Variants in G2E3 observed in about 807,000 individuals in gnomAD.
The protein encoded by G2E3 is G2/M phase-specific E3 ubiquitin-protein ligase.
G2E3 carries 35 observed loss-of-function variants against 92.8 expected under a neutral mutation model. The ratio of observed to expected loss-of-function variants is 0.38; its 90% confidence interval spans 0.29 to 0.50. The LOEUF is 0.50. Among genes scored for constraint, G2E3 ranks in the 20% least tolerant of loss-of-function variants. The probability of loss-of-function intolerance (pLI) is 0.94; values close to 1 mark genes in which losing one functional copy is unlikely to be tolerated. For synonymous variants in G2E3, 242 were observed against 272.4 expected (o/e 0.89, Z 1.10); for missense variants, 554 against 823.8 (o/e 0.67, Z 4.01).
chr14:30,598,075 A>G (rs1237821632), intron 7 of G2E3: 1 of 168,308 alleles, frequency 5.9e-6, no homozygotes, highest in Non-Finnish European at 1.3e-5. Flanking sequence ...TTATTCTCCT[A>G]AGTATATAAA....
intron 11 of G2E3, among the ~76,000 whole-genome samples, chr14:30,606,113 A>G (rs1484166943): frequency 1.3e-5 from 2 of 152,106 alleles, no homozygotes; most frequent in African/African-American, 4.8e-5. Context: ...AGAGTGGCCA[A>G]ATGGGGATGA....
chr14:30,619,597 T>C lies in G2E3; in HGVS notation c.*3063T>C, dbSNP rs1001558488. 7 of 152,148 alleles carry C rather than the reference T, an allele frequency of 4.6e-5. No individual in the cohort carries two copies. Among genetic ancestry groups the C allele is most frequent in the African/African-American group, 1.4e-4 (6 of 41,452 alleles). 9.4% of individuals were successfully genotyped at this position (152,148 alleles called of 1,614,324 possible). A position where few individuals can be genotyped will look rare whatever the true frequency, so the allele number is the denominator to read the frequency against. ...TGATGAATTACTTGAATGTATATTA[T>C]CTGTGGTTTAGGAAAATTTGGATTG... On this transcript the variant is annotated 3_prime_UTR_variant, in exon 15 of 15. Coordinates refer to ENST00000206595, the MANE Select transcript of G2E3 (RefSeq NM_017769.5).
chr14:30,602,709 A>G (rs920872885), intron 10 of G2E3: 1 of 152,148 alleles, frequency 6.6e-6, no homozygotes, highest in Non-Finnish European at 1.5e-5. Context: ...CCTCCTGGGC[A>G]CAAGTGATCC....
intron 13 of G2E3, among the ~76,000 whole-genome samples, chr14:30,613,734 A>G (rs1448934392): frequency 6.6e-6 from 1 of 151,820 alleles, no homozygotes; most frequent in Non-Finnish European, 1.5e-5. Context: ...TTTTAAAGAT[A>G]CATTATGAGT....
chr14:30,603,519 G>A (rs556177376), intron 10 of G2E3, among the ~76,000 whole-genome samples: 3 of 152,158 alleles, frequency 2.0e-5, no homozygotes, highest in African/African-American at 4.8e-5. Flanking sequence ...AAAATTAGTC[G>A]CTAAGCATGA....
chr14:30,602,062 G>A lies in G2E3; in HGVS notation c.941G>A (p.Cys314Tyr). The change falls in exon 10 of 15, where the codon TGT becomes TAT. Residue 314 changes from cysteine (C) to tyrosine (Y), a missense_variant. Cys to Tyr is a radical substitution (Grantham distance 194). Coordinates refer to ENST00000206595, the MANE Select transcript of G2E3 (RefSeq NM_017769.5). ...TCTAATAATGTGGGGATTACAGATT[G>A]TTTGTTGGAAGAGTCATCACCTAAA... ...PNSNNVGITD[C>Y]LLEESSPKLP... The A allele has an allele frequency of 1.2e-6, 2 of 1,611,352 alleles. No individual in the cohort carries two copies. The highest frequency in any genetic ancestry group is 2.2e-5 in the South Asian group (2 of 91,006).
At chr14:30,585,585 C>A (rs1396093745) in intron 2 of G2E3, among the ~76,000 whole-genome samples, 1 of 144,546 alleles carries the variant, frequency 6.9e-6, no homozygotes, top group Admixed American at 6.9e-5. Context: ...TCTTCTCCCC[C>A]TTTTTTTTTT....
At chr14:30,593,360 G>C in intron 5 of G2E3, 114 bp from the exon 6 acceptor site, 1 of 588,502 alleles carries the variant, frequency 1.7e-6, no homozygotes, top group Admixed American at 3.5e-5. Flanking sequence ...GTCTGTTGTA[G>C]GTGAATTATG....
chr14:30,563,738 T>TGTGTGA (rs566217168), intron 1 of G2E3, among the ~76,000 whole-genome samples: 85 of 141,620 alleles, frequency 6.0e-4, no homozygotes, highest in African/African-American at 2.0e-3. Flanking sequence ...TGTGTGTGTG[T>TGTGTGA]GATATAGAGT....
intron 1 of G2E3, chr14:30,560,023 A>T (rs1878999074): frequency 6.6e-6 from 1 of 151,836 alleles, no homozygotes; most frequent in Non-Finnish European, 1.5e-5. Context: ...TCCCTCATTC[A>T]TTGGCCAACT....
intron 1 of G2E3, among the ~76,000 whole-genome samples, chr14:30,566,318 C>A (rs1028536903): frequency 6.6e-6 from 1 of 152,172 alleles, no homozygotes; most frequent in African/African-American, 2.4e-5. Flanking sequence ...TGTATCAAAT[C>A]CATAAATTGC....
chr14:30,597,284 C>A, intron 6 of G2E3, 136 bp from the exon 7 acceptor site: 2 of 601,262 alleles, frequency 3.3e-6, no homozygotes, highest in Non-Finnish European at 6.0e-6. Flanking sequence ...TTTATAAGGA[C>A]AAAGTTTGAG....
At chr14:30,580,271 A>G (rs958937976) in intron 1 of G2E3, among the ~76,000 whole-genome samples, 1 of 152,054 alleles carries the variant, frequency 6.6e-6, no homozygotes, top group Non-Finnish European at 1.5e-5. Flanking sequence ...CAATGGTGTG[A>G]TCTTGGCTCA....
Position 30,562,357 on chromosome 14 carries a change from T to C in G2E3, c.-5+3085T>C, listed in dbSNP as rs180891655. Among the ~76,000 whole-genome samples the C allele has an allele frequency of 5.3e-5, 8 of 152,234 alleles. No individual in the cohort carries two copies. The East Asian group carries it at 9.6e-4, about 18-fold the overall frequency. ...TCCAATATTATAATAATCCTCGCTCTACAATCATAACCTAGGAAAAACCAG... is the reference window on the plus strand; with the variant it reads ...TCCAATATTATAATAATCCTCGCTCCACAATCATAACCTAGGAAAAACCAG... On this transcript the variant is annotated intron_variant, in intron 1 of 14. Coordinates refer to ENST00000206595, the MANE Select transcript of G2E3 (RefSeq NM_017769.5).
At chr14:30,590,083 T>C (rs1484465924) in intron 4 of G2E3, among the ~76,000 whole-genome samples, 2 of 152,146 alleles carry the variant, frequency 1.3e-5, no homozygotes, top group South Asian at 2.1e-4. Flanking sequence ...GCCACTATGC[T>C]GTATGCAGGG....
intron 2 of G2E3, among the ~76,000 whole-genome samples, chr14:30,581,466 C>T (rs1381884445): frequency 6.6e-6 from 1 of 152,152 alleles, no homozygotes; most frequent in Non-Finnish European, 1.5e-5. Context: ...CAGCACTTTA[C>T]GAGGCTGAAG....
chr14:30,607,705 A>G (rs999912361), intron 11 of G2E3, among the ~76,000 whole-genome samples, 183 bp from the exon 12 acceptor site: 3 of 152,084 alleles, frequency 2.0e-5, no homozygotes, highest in African/African-American at 7.2e-5. Flanking sequence ...TTTTTACTTT[A>G]TATTCAGAAA....
intron 1 of G2E3, among the ~76,000 whole-genome samples, chr14:30,571,579 A>G (rs954175938): frequency 1.3e-5 from 2 of 151,896 alleles, no homozygotes; most frequent in African/African-American, 2.4e-5. Context: ...TTGTGATCCA[A>G]TTTGAATTAA....
At chr14:30,596,151 T>TGC (rs1307293206) in intron 6 of G2E3, among the ~76,000 whole-genome samples, 3 of 141,522 alleles carry the variant, frequency 2.1e-5, no homozygotes, top group Admixed American at 6.8e-5. Context: ...TGTGTGTGTG[T>TGC]GTGTGTGTGT....
Sources: gnomAD v4.1 joint callset for allele counts (sites outside exome capture counted in the v4.1 genomes callset) on GRCh38, gnomAD v4.1.1 for gene constraint, MANE v1.5 for transcripts, NCBI Gene and HGNC (gene_info 2026-07-23, HGNC 2026-07-21) for gene names.